FAAH2: variants seen among roughly 807,000 people sequenced by gnomAD.
The protein encoded by FAAH2 is fatty acid amide hydrolase 2, also known as fatty-acid amide hydrolase 2.
A neutral mutation model predicts 36.9 loss-of-function variants in FAAH2; 60 were observed. The observed-to-expected ratio is 1.63, with a 90% confidence interval of 1.32 to 2.02. The LOEUF (loss-of-function observed/expected upper bound fraction) is 2.02, where lower values mean the gene tolerates loss of function less well. Among genes scored for constraint, FAAH2 ranks in the 30% most tolerant of loss-of-function variants. FAAH2 has a pLI of 0.00. For missense variants in FAAH2, 689 were observed against 397.5 expected (o/e 1.73, Z -6.23); for synonymous variants, 214 against 143.8 (o/e 1.49, Z -3.49).
chrX:57,238,564 A>C, the FAAH2 span, among the ~76,000 whole-genome samples: 49,135 of 110,248 alleles, frequency 0.45, 10,907 homozygotes, highest in African/African-American at 0.86. Context: ...ACAATTTGTA[A>C]AACAAACCCC....
the FAAH2 span, among the ~76,000 whole-genome samples, chrX:57,242,149 G>C: frequency 8.9e-6 from 1 of 112,455 alleles, no homozygotes; most frequent in Non-Finnish European, 1.9e-5. Context: ...TGACCCCCGT[G>C]CCTCCCGACT....
In FAAH2 at chrX:57,341,291, G is replaced by C. The variant is rs754345982; in HGVS notation, c.643G>C (p.Ala215Pro). 12 of 1,208,282 alleles carry C rather than the reference G, an allele frequency of 9.9e-6. No individual in the cohort carries two copies. The highest frequency in any genetic ancestry group is 1.3e-5 in the Non-Finnish European group (12 of 893,574). ...TGTAGGTGGTGAGGGCTGCACACTG[G>C]CAGCTGCCTGCTCAGTTATTGGTGT... is the stretch of plus-strand genomic sequence containing the variant. ...GSSGGEGCTL[A>P]AACSVIGVGS... The change falls in exon 5 of 11, where the codon GCA (alanine) becomes CCA (proline). Residue 215 changes from alanine to proline, a missense_variant. Transcript: ENST00000374900.
intron 2 of FAAH2, among the ~76,000 whole-genome samples, chrX:57,301,518 C>T (rs1367605672): frequency 2.8e-5 from 3 of 106,568 alleles, no homozygotes; most frequent in Non-Finnish European, 3.9e-5. Context: ...TGCTAAATGA[C>T]GAGTTAATGG....
chrX:57,252,423 A>C, the FAAH2 span, among the ~76,000 whole-genome samples: 4 of 112,387 alleles, frequency 3.6e-5, no homozygotes, highest in Admixed American at 9.4e-5. Context: ...CTGCTAACAG[A>C]CAGACTGCTT....
intron 7 of FAAH2, among the ~76,000 whole-genome samples, chrX:57,426,644 CATA>C (rs1191855004): frequency 1.8e-5 from 2 of 111,634 alleles, no homozygotes; most frequent in Non-Finnish European, 3.8e-5. Flanking sequence ...CATGTTCCTG[CATA>C]ATCTTTGAGT....
At chrX:57,195,017 A>G in the FAAH2 span, among the ~76,000 whole-genome samples, 6 of 110,834 alleles carry the variant, frequency 5.4e-5, no homozygotes, top group East Asian at 1.7e-3. Context: ...TCATTGATTG[A>G]TGGACATTTG....
At chrX:57,484,939 G>A (rs2057447026) in intron 10 of FAAH2, among the ~76,000 whole-genome samples, 1 of 111,381 alleles carries the variant, frequency 9.0e-6, no homozygotes, top group Non-Finnish European at 1.9e-5. Context: ...TTGGTCCCTG[G>A]GTCACTGGCT....
rs771871081 is a variant in FAAH2, at chrX:57,288,338, C to CTTTTTTTTTTTTTT, written c.192+1337_192+1350dup. Among the ~76,000 whole-genome samples the CTTTTTTTTTTTTTT allele has an allele frequency of 2.5e-3, 100 of 40,349 alleles. 26 individuals are homozygous for CTTTTTTTTTTTTTT. Among genetic ancestry groups the CTTTTTTTTTTTTTT allele is most frequent in the African/African-American group, 0.013 (97 of 7,302 alleles). 35.0% of individuals were successfully genotyped at this position (40,349 alleles called of 115,157 possible). A position where few individuals can be genotyped will look rare whatever the true frequency, so the allele number is the denominator to read the frequency against. ...TAGCTCTGTGATCTTAAAAACATTT[C>CTTTTTTTTTTTTTT]TTTTTTTTTTTTTTTTTTTTTTTTT... On this transcript the variant is annotated intron_variant, in intron 1 of 10. Transcript: ENST00000374900.
rs932662933 is a variant in FAAH2 at position 57,395,382 on chromosome X, T to A, written c.996+14353T>A. Reference sequence around the variant, plus strand: ...GCCCTTATTTGTGCGGAGATCTCCTTCCTGTTCAGGATTTCTGCTGGTGCC... The same window carrying A: ...GCCCTTATTTGTGCGGAGATCTCCTACCTGTTCAGGATTTCTGCTGGTGCC... On this transcript the variant is annotated intron_variant, in intron 7 of 10. Transcript: ENST00000374900. 8 of 716,478 alleles carry A rather than the reference T, an allele frequency of 1.1e-5. No individual in the cohort carries two copies. The Admixed American group carries it at 1.1e-4, about 10-fold the overall frequency. 59.0% of individuals were successfully genotyped at this position (716,478 alleles called of 1,213,427 possible). A position where few individuals can be genotyped will look rare whatever the true frequency, so the allele number is the denominator to read the frequency against.
the FAAH2 span, among the ~76,000 whole-genome samples, chrX:57,262,169 G>T: frequency 2.7e-5 from 3 of 111,441 alleles, no homozygotes; most frequent in African/African-American, 6.5e-5. Context: ...AAGGTGAAGA[G>T]AAGGTGGCAG....
chrX:57,428,186 A>G (rs2056208194), intron 7 of FAAH2, among the ~76,000 whole-genome samples: 1 of 112,180 alleles, frequency 8.9e-6, no homozygotes, highest in South Asian at 3.6e-4. Flanking sequence ...GCATTTAACC[A>G]AGGAAGTGAA....
At chrX:57,466,500 A>G (rs1284415414) in intron 10 of FAAH2, among the ~76,000 whole-genome samples, 8 of 108,688 alleles carry the variant, frequency 7.4e-5, no homozygotes, top group Non-Finnish European at 1.9e-5. Flanking sequence ...AGGCATATAG[A>G]AAACATGTAG....
chrX:57,265,927 C>A, the FAAH2 span, among the ~76,000 whole-genome samples: 1 of 111,372 alleles, frequency 9.0e-6, no homozygotes, highest in African/African-American at 3.3e-5. Context: ...CAGCTACTTC[C>A]ACTGGTGTTC....
At chrX:57,322,242 G>C (rs1053226908) in intron 3 of FAAH2, among the ~76,000 whole-genome samples, 1 of 111,232 alleles carries the variant, frequency 9.0e-6, no homozygotes, top group Non-Finnish European at 1.9e-5. Flanking sequence ...CGCGCTCCTC[G>C]GCCTCCCAAA....
intron 5 of FAAH2, among the ~76,000 whole-genome samples, chrX:57,376,137 A>G (rs1325409616): frequency 9.0e-6 from 1 of 111,399 alleles, no homozygotes; most frequent in Non-Finnish European, 1.9e-5. Context: ...GCTGTACTAT[A>G]TCTATACAAT....
intron 5 of FAAH2, among the ~76,000 whole-genome samples, chrX:57,354,353 C>A (rs774719733): frequency 1.8e-5 from 2 of 110,698 alleles, no homozygotes; most frequent in East Asian, 2.8e-4. Context: ...TACGTGTTCT[C>A]CCCAATAAGT....
At chrX:57,135,620 C>G in the FAAH2 span, 1 of 935,472 alleles carries the variant, frequency 1.1e-6, no homozygotes, top group Non-Finnish European at 1.4e-6. Context: ...CCGAACTTTT[C>G]AACAAGACAA....
At chrX:57,406,467 G>A (rs945514295) in intron 7 of FAAH2, among the ~76,000 whole-genome samples, 11 of 111,939 alleles carry the variant, frequency 9.8e-5, no homozygotes, top group Non-Finnish European at 1.3e-4. Context: ...CACCCTGATG[G>A]GGACGGTAGA....
chrX:57,240,426 G>T, the FAAH2 span, among the ~76,000 whole-genome samples: 1 of 111,690 alleles, frequency 9.0e-6, no homozygotes, highest in Non-Finnish European at 1.9e-5. Context: ...TCCCTGTCTG[G>T]TGGCAACAAT....
Sources: gnomAD v4.1 joint callset for allele counts (sites outside exome capture counted in the v4.1 genomes callset) on GRCh38, gnomAD v4.1.1 for gene constraint, MANE v1.5 for transcripts, NCBI Gene and HGNC (gene_info 2026-07-23, HGNC 2026-07-21) for gene names.